COP1: variants seen among roughly 807,000 people sequenced by gnomAD.
COP1 encodes the protein E3 ubiquitin-protein ligase COP1.
Under a neutral mutation model 101.3 loss-of-function variants are expected in COP1, and 24 were observed. The ratio of observed to expected loss-of-function variants is 0.24; its 90% CI spans 0.17 to 0.33. The LOEUF (loss-of-function observed/expected upper bound fraction) is 0.33, where lower values mean the gene tolerates loss of function less well. Among genes scored for constraint, COP1 ranks in the 10% least tolerant of loss-of-function variants. The pLI, the probability that COP1 is intolerant of heterozygous loss-of-function variation, is 1.00. For synonymous variants in COP1, 347 were observed against 341.9 expected, an observed-to-expected ratio of 1.01 and a Z score of -0.17; for missense variants, 663 against 906.2, an observed-to-expected ratio of 0.73 and a Z score of 3.45.
At chr1:176,065,530 C>T (rs920519725) in intron 11 of COP1, among the ~76,000 whole-genome samples, 11 of 152,080 alleles carry the variant, frequency 7.2e-5, no homozygotes, top group Non-Finnish European at 1.5e-4. Context: ...CAAAACTTGC[C>T]ACCCCAAAAT....
intron 8 of COP1, among the ~76,000 whole-genome samples, chr1:176,133,468 GTGCA>G (rs1265218679): frequency 6.6e-6 from 1 of 151,758 alleles, no homozygotes. Context: ...TCATTATGCA[GTGCA>G]TGACTGTATT....
At chr1:175,992,061 C>G (rs957602850) in intron 15 of COP1, among the ~76,000 whole-genome samples, 1 of 151,980 alleles carries the variant, frequency 6.6e-6, no homozygotes, top group African/African-American at 2.4e-5. Context: ...ATCGTATGTG[C>G]TAGACTTTTT....
In COP1 at chr1:175,945,151, C is replaced by A. The variant is rs758966237; in HGVS notation, c.*2G>T. ...AAGTACAATTTGACTTGAGTTAACC[C>A]TTCATACCAATTCTAGCACCTAATT... On this transcript the variant is annotated 3_prime_UTR_variant, in exon 20 of 20. Coordinates refer to ENST00000367669, the MANE Select transcript of COP1 (RefSeq NM_022457.7). The A allele has an allele frequency of 6.3e-7, 1 of 1,579,438 alleles. No individual in the cohort carries two copies. Among genetic ancestry groups the A allele is most frequent in the South Asian group, 1.1e-5 (1 of 87,774 alleles).
chr1:176,137,397 G>C (rs1329930884), intron 6 of COP1, among the ~76,000 whole-genome samples: 1 of 152,032 alleles, frequency 6.6e-6, no homozygotes, highest in African/African-American at 2.4e-5. Context: ...ATTTTATTGA[G>C]AGTATTAAAA....
chr1:176,150,627 C>G (rs901358782), intron 5 of COP1, among the ~76,000 whole-genome samples: 2 of 152,146 alleles, frequency 1.3e-5, no homozygotes, highest in Admixed American at 1.3e-4. Context: ...AAAGTAACAA[C>G]TTTATACAAA....
At chr1:176,050,108 TA>T (rs1164896943) in intron 11 of COP1, among the ~76,000 whole-genome samples, 2 of 152,232 alleles carry the variant, frequency 1.3e-5, no homozygotes, top group Non-Finnish European at 1.5e-5. Flanking sequence ...AACATACAAG[TA>T]TACTTTTGAA....
chr1:176,169,795 CA>C (rs1202599771), intron 3 of COP1, among the ~76,000 whole-genome samples: 5 of 152,182 alleles, frequency 3.3e-5, no homozygotes, highest in African/African-American at 1.2e-4. Context: ...ACTGCTGCAT[CA>C]ACTGATTCTT....
intron 1 of COP1, among the ~76,000 whole-genome samples, chr1:176,190,607 T>C (rs1699015182): frequency 1.3e-5 from 2 of 151,640 alleles, no homozygotes; most frequent in African/African-American, 4.8e-5. Flanking sequence ...TTATAAGACA[T>C]ATCATCTCAG....
In COP1 at chr1:175,979,061, T is replaced by C. The variant is rs573351180; in HGVS notation, c.2133+7882A>G. Among the ~76,000 whole-genome samples, 52 of 152,262 alleles carry C rather than the reference T, an allele frequency of 3.4e-4. No individual in the cohort carries two copies. The South Asian group carries it at 9.1e-3, about 27-fold the overall frequency. ...ATGCTTAAGAACCATTTAGGTTTCT[T>C]GGTTAGGATGTATAACAAACTTCTT... On this transcript the variant is annotated intron_variant, in intron 18 of 19. Coordinates refer to ENST00000367669, the MANE Select transcript of COP1 (RefSeq NM_022457.7).
intron 11 of COP1, among the ~76,000 whole-genome samples, chr1:176,049,257 T>C (rs1429974203): frequency 6.6e-6 from 1 of 151,898 alleles, no homozygotes; most frequent in Non-Finnish European, 1.5e-5. Flanking sequence ...GGTATCCTGT[T>C]ATTCAAGACA....
intron 18 of COP1, among the ~76,000 whole-genome samples, chr1:175,976,292 T>TTTTTTTTTTTA (rs1654558534): frequency 7.1e-6 from 1 of 141,020 alleles, no homozygotes; most frequent in Admixed American, 7.2e-5. Context: ...TTTTTTTTTT[T>TTTTTTTTTTTA]TTTTAGACAG....
In COP1 at chr1:175,951,461, T is replaced by TATATAA. The variant is rs1214036206; in HGVS notation, c.2134-4223_2134-4222insTTATAT. Among the ~76,000 whole-genome samples the TATATAA allele has an allele frequency of 5.2e-3, 283 of 54,930 alleles. 4 individuals carry two copies. Among genetic ancestry groups the TATATAA allele is most frequent in the African/African-American group, 0.013 (267 of 20,272 alleles). The allele number at this position is 54,930 out of a possible 152,430, so 36.0% of individuals were successfully genotyped here. Reference sequence around the variant, plus strand: ...GAATATATATATATATATATATATATAAAAACTTCCATTTTTGGCCATAAC... The same window carrying TATATAA: ...GAATATATATATATATATATATATATATATAAAAAAACTTCCATTTTTGGCCATAAC... On this transcript the variant is annotated intron_variant, in intron 18 of 19. Coordinates refer to ENST00000367669, the MANE Select transcript of COP1 (RefSeq NM_022457.7).
In COP1 at chr1:176,207,213, C is replaced by T; in HGVS notation, c.-235G>A. ...GTAGAAGGCACTACCGCTGTCGAGG[C>T]CGCCGCCGCCACCGCGGTCCCTGTA... On this transcript the variant is annotated 5_prime_UTR_variant, in exon 1 of 20. Transcript: ENST00000367669. The T allele has an allele frequency of 5.0e-6, 2 of 402,334 alleles. No homozygotes were observed. Among genetic ancestry groups the T allele is most frequent in the African/African-American group, 4.1e-5 (2 of 48,684 alleles). The allele number at this position is 402,334 out of a possible 1,614,324, so 24.9% of individuals were successfully genotyped here.
At chr1:175,986,846 C>T in intron 18 of COP1, 97 bp downstream of exon 18, 3 of 977,888 alleles carry the variant, frequency 3.1e-6, no homozygotes, top group South Asian at 2.0e-5. Context: ...AAGTACATAC[C>T]ACATACCAAT....
At chr1:176,049,549 A>C (rs1672174940) in intron 11 of COP1, among the ~76,000 whole-genome samples, 1 of 152,100 alleles carries the variant, frequency 6.6e-6, no homozygotes, top group South Asian at 2.1e-4. Context: ...ATTTTGATTA[A>C]AAGGGAAAGA....
At chr1:176,200,342 A>G (rs923485400) in intron 1 of COP1, among the ~76,000 whole-genome samples, 2 of 152,202 alleles carry the variant, frequency 1.3e-5, no homozygotes, top group Non-Finnish European at 2.9e-5. Context: ...AAATATCTAA[A>G]AGAACCCCCA....
At chr1:176,130,735 T>G (rs1474569375) in intron 8 of COP1, among the ~76,000 whole-genome samples, 1 of 151,744 alleles carries the variant, frequency 6.6e-6, no homozygotes, top group Non-Finnish European at 1.5e-5. Flanking sequence ...AACCTTGTAT[T>G]TAAGTCCTTA....
At position 175,972,557 on chromosome 1, in the gene COP1, C is replaced by T. The variant is rs374130301; in HGVS notation, c.2133+14386G>A. ...TCGGCTCACTGCAACTGCCACCTCC[C>T]GGGTTCAAGCGATTCTCCTGCCTCA... On this transcript the variant is annotated intron_variant, in intron 18 of 19. Coordinates refer to ENST00000367669, the MANE Select transcript of COP1 (RefSeq NM_022457.7). Among the ~76,000 whole-genome samples, 1,365 of 149,330 alleles carry T rather than the reference C, an allele frequency of 9.1e-3. 24 individuals carry two copies. The highest frequency in any genetic ancestry group is 0.031 in the African/African-American group (1,269 of 40,448).
At chr1:175,957,653 C>T (rs889846496) in intron 18 of COP1, among the ~76,000 whole-genome samples, 6 of 152,180 alleles carry the variant, frequency 3.9e-5, no homozygotes, top group African/African-American at 1.4e-4. Context: ...CTTACAACTA[C>T]TCTACAATCT....
Sources: gnomAD v4.1 joint callset for allele counts (sites outside exome capture counted in the v4.1 genomes callset) on GRCh38, gnomAD v4.1.1 for gene constraint, MANE v1.5 for transcripts, NCBI Gene and HGNC (gene_info 2026-07-23, HGNC 2026-07-21) for gene names.